FBXW7: variants seen among roughly 807,000 people sequenced by gnomAD.
The protein encoded by FBXW7 is F-box and WD repeat domain containing 7, also known as F-box/WD repeat-containing protein 7.
In FBXW7, 11 loss-of-function variants were observed where a neutral mutation model predicts 86.3. The ratio of observed to expected loss-of-function variants is 0.13; its 90% CI spans 0.08 to 0.21. The LOEUF (loss-of-function observed/expected upper bound fraction) is 0.21. FBXW7 is among the 10% of genes least tolerant of loss of function. The pLI is 1.00. For missense variants in FBXW7, 488 were observed against 847.4 expected, an observed-to-expected ratio of 0.58 and a Z score of 5.27; for synonymous variants, 313 against 297.9, an observed-to-expected ratio of 1.05 and a Z score of -0.52.
chr4:152,416,100 G>A (rs918303712), intron 2 of FBXW7, among the ~76,000 whole-genome samples: 54 of 151,998 alleles, frequency 3.6e-4, no homozygotes, highest in Non-Finnish European at 2.5e-4. Context: ...AGTTCTATAA[G>A]GAAAAGGGAC....
At chr4:152,363,968 T>C (rs1733221226) in intron 4 of FBXW7, among the ~76,000 whole-genome samples, 1 of 152,142 alleles carries the variant, frequency 6.6e-6, no homozygotes, top group Non-Finnish European at 1.5e-5. Flanking sequence ...CTCTAAGATG[T>C]TTTCTTAGTT....
rs2126457962 is a variant in FBXW7, at chr4:152,322,895, C to T, written c.2110G>A (p.Val704Met). ...ETKLLVLDFD[V>M]DMK ...TTTTCTGCTCTTCACTTCATGTCCA[C>T]ATCAAAGTCCAGCACCAGCAGCTTG... is the stretch of plus-strand genomic sequence containing the variant. The change falls in exon 14 of 14, where the codon GTG becomes ATG. Residue 704 changes from valine (V) to methionine (M), a missense_variant. Coordinates refer to ENST00000281708, the MANE Select transcript of FBXW7 (RefSeq NM_001349798.2). The T allele has an allele frequency of 1.2e-6, 2 of 1,613,670 alleles. No individual in the cohort carries two copies. The highest frequency in any genetic ancestry group is 1.7e-6 in the Non-Finnish European group (2 of 1,179,722).
At chr4:152,368,706 T>C (rs1733715537) in intron 4 of FBXW7, among the ~76,000 whole-genome samples, 1 of 152,080 alleles carries the variant, frequency 6.6e-6, no homozygotes, top group Non-Finnish European at 1.5e-5. Context: ...ATGGAAACTA[T>C]ATACTAGACA....
intron 6 of FBXW7, among the ~76,000 whole-genome samples, chr4:152,342,559 C>T (rs1730847507): frequency 6.6e-6 from 1 of 151,480 alleles, no homozygotes; most frequent in Non-Finnish European, 1.5e-5. Flanking sequence ...TCTTTAGTGT[C>T]TCAATTAGAT....
intron 4 of FBXW7, among the ~76,000 whole-genome samples, chr4:152,386,908 C>T (rs1735571202): frequency 1.3e-5 from 2 of 152,148 alleles, no homozygotes; most frequent in Non-Finnish European, 2.9e-5. Context: ...CAAGTCCAAG[C>T]ACTCCAATTC....
At chr4:152,361,190 T>C (rs983248659) in intron 4 of FBXW7, among the ~76,000 whole-genome samples, 2 of 152,206 alleles carry the variant, frequency 1.3e-5, no homozygotes, top group African/African-American at 2.4e-5. Context: ...TTTGTTTTTA[T>C]GTAGCTTGCT....
At chr4:152,326,544 G>A (rs1165391364) in intron 11 of FBXW7, among the ~76,000 whole-genome samples, 1 of 151,952 alleles carries the variant, frequency 6.6e-6, no homozygotes, top group Non-Finnish European at 1.5e-5. Flanking sequence ...TTAAAAAGCA[G>A]CAGAAGCTGC....
intron 4 of FBXW7, among the ~76,000 whole-genome samples, chr4:152,366,266 G>C (rs984241332): frequency 6.6e-6 from 1 of 151,982 alleles, no homozygotes; most frequent in African/African-American, 2.4e-5. Flanking sequence ...AATTAAATTG[G>C]AAGAAAATAA....
At chr4:152,502,623 A>G (rs1183993005) in intron 2 of FBXW7, among the ~76,000 whole-genome samples, 3 of 152,098 alleles carry the variant, frequency 2.0e-5, no homozygotes, top group African/African-American at 4.8e-5. Flanking sequence ...AGAGGAGGAC[A>G]CATTTTTAAA....
intron 4 of FBXW7, among the ~76,000 whole-genome samples, chr4:152,350,499 G>A (rs1176500619): frequency 2.0e-5 from 3 of 151,430 alleles, no homozygotes; most frequent in East Asian, 3.8e-4. Flanking sequence ...TGCCTTCCTC[G>A]TGAATCATTT....
intron 4 of FBXW7, among the ~76,000 whole-genome samples, chr4:152,363,731 T>C (rs566712770): frequency 6.6e-6 from 1 of 152,174 alleles, no homozygotes; most frequent in Admixed American, 6.5e-5. Context: ...TTCCTAGGTG[T>C]TTTTCTTATA....
chr4:152,512,055 T>C (rs1222017681), intron 2 of FBXW7, among the ~76,000 whole-genome samples: 1 of 152,178 alleles, frequency 6.6e-6, no homozygotes, highest in African/African-American at 2.4e-5. Flanking sequence ...AGGTTTTTGT[T>C]CACATTATAT....
chr4:152,387,377 T>A (rs1735611602), intron 4 of FBXW7, among the ~76,000 whole-genome samples: 2 of 152,252 alleles, frequency 1.3e-5, no homozygotes, highest in Admixed American at 6.5e-5. Flanking sequence ...ACTCACTTAT[T>A]TCACAGATAC....
At chr4:152,508,438 CCCAACACCTTGGGAGG>C (rs1747634115) in intron 2 of FBXW7, among the ~76,000 whole-genome samples, 1 of 152,056 alleles carries the variant, frequency 6.6e-6, no homozygotes, top group African/African-American at 2.4e-5. Context: ...CGCTTGTAAT[CCCAACACCTTGGGAGG>C]CCAACACAGG....
intron 2 of FBXW7, among the ~76,000 whole-genome samples, chr4:152,476,249 T>C (rs1397142473): frequency 2.0e-5 from 3 of 152,146 alleles, no homozygotes; most frequent in Non-Finnish European, 2.9e-5. Context: ...CTTCAACAAA[T>C]AGTGCTAGAA....
chr4:152,434,655 G>A (rs1015844801), intron 2 of FBXW7, among the ~76,000 whole-genome samples: 4 of 152,132 alleles, frequency 2.6e-5, no homozygotes, highest in Non-Finnish European at 5.9e-5. Context: ...TCCTTGACAA[G>A]GATATACAGA....
intron 2 of FBXW7, among the ~76,000 whole-genome samples, chr4:152,462,339 A>G (rs945983698): frequency 1.3e-5 from 2 of 152,220 alleles, no homozygotes; most frequent in Non-Finnish European, 2.9e-5. Context: ...TCAAAAAAAG[A>G]AGCAATCACA....
intron 2 of FBXW7, among the ~76,000 whole-genome samples, chr4:152,479,503 A>G (rs185822560): frequency 1.3e-5 from 2 of 152,212 alleles, no homozygotes; most frequent in East Asian, 1.9e-4. Flanking sequence ...TTCTTAAGAC[A>G]ATGATGTGTC....
At chr4:152,483,712 A>G (rs1232026546) in intron 2 of FBXW7, among the ~76,000 whole-genome samples, 1 of 151,930 alleles carries the variant, frequency 6.6e-6, no homozygotes, top group African/African-American at 2.4e-5. Flanking sequence ...AAACAAAAAC[A>G]AAAAACAAAA....
Sources: gnomAD v4.1 joint callset for allele counts (sites outside exome capture counted in the v4.1 genomes callset) on GRCh38, gnomAD v4.1.1 for gene constraint, MANE v1.5 for transcripts, NCBI Gene and HGNC (gene_info 2026-07-23, HGNC 2026-07-21) for gene names.